Variants in TMEM9B observed in about 807,000 individuals in gnomAD.
TMEM9B encodes the protein transmembrane protein 9B.
TMEM9B carries 8 observed loss-of-function variants against 23.5 expected under a neutral mutation model. The observed-to-expected ratio is 0.34, with a 90% confidence interval of 0.20 to 0.61. The LOEUF (loss-of-function observed/expected upper bound fraction) is 0.61, where lower values mean the gene tolerates loss of function less well. Among genes scored for constraint, TMEM9B ranks in the 20% least tolerant of loss-of-function variants. The pLI is 0.78. For synonymous variants in TMEM9B, 106 were observed against 96.3 expected (o/e 1.10, Z -0.59); for missense variants, 197 against 252.3 (o/e 0.78, Z 1.49).
intron 4 of TMEM9B, among the ~76,000 whole-genome samples, chr11:8,951,696 T>C (rs969084449): frequency 1.1e-4 from 17 of 149,786 alleles, no homozygotes; most frequent in African/African-American, 3.7e-4. Context: ...AGGCGGAGCT[T>C]GCAGTGCGCT....
chr11:8,964,842 A>G (rs1854171434), upstream of TMEM9B: 1 of 156,562 alleles, frequency 6.4e-6, no homozygotes, highest in Non-Finnish European at 1.4e-5. Flanking sequence ...CGGGATGCCC[A>G]CCGCCAGTCA....
rs1285092766 is a variant in TMEM9B at position 8,948,160 on chromosome 11, C to G, written c.*160G>C. 2.1e-5 allele frequency: 18 copies of G among 850,572 alleles called. No individual in the cohort carries two copies. Among genetic ancestry groups the G allele is most frequent in the Non-Finnish European group, 3.0e-5 (17 of 569,530 alleles). 52.7% of individuals were successfully genotyped at this position (850,572 alleles called of 1,614,324 possible). A position where few individuals can be genotyped will look rare whatever the true frequency, so the allele number is the denominator to read the frequency against. ...AAAAATGTCTCTATTATTACGTTAA[C>G]AAGAAAAAAAAATCAAGCAAGTTTT... On this transcript the variant is annotated 3_prime_UTR_variant, in exon 5 of 5. Transcript: ENST00000534025.
chr11:8,954,740 C>A (rs1853942968), intron 3 of TMEM9B, among the ~76,000 whole-genome samples: 1 of 152,184 alleles, frequency 6.6e-6, no homozygotes, highest in African/African-American at 2.4e-5. Flanking sequence ...CAGCACCCTG[C>A]TGGAGCAAGA....
At position 8,948,150 on chromosome 11, in the gene TMEM9B, ATTACG is replaced by A. The variant is rs1853806027; in HGVS notation, c.*165_*169del. 1 of 726,564 alleles carries A rather than the reference ATTACG, an allele frequency of 1.4e-6. No individual in the cohort carries two copies. Among genetic ancestry groups the A allele is most frequent in the South Asian group, 2.1e-5 (1 of 48,200 alleles). The allele number at this position is 726,564 out of a possible 1,614,324, so 45.0% of individuals were successfully genotyped here. A position where few individuals can be genotyped will look rare whatever the true frequency, so the allele number is the denominator to read the frequency against. On this transcript the variant is annotated 3_prime_UTR_variant, in exon 5 of 5. Transcript: ENST00000534025. ...GTGTGCTTTTAAAAATGTCTCTATT[ATTACG>A]TTAACAAGAAAAAAAAATCAAGCAA...
intron 1 of TMEM9B, 48 bp from the exon 2 acceptor site, chr11:8,962,231 A>G (rs1186925644): frequency 7.9e-7 from 1 of 1,264,894 alleles, no homozygotes. Flanking sequence ...TTTATCATCA[A>G]TATTTTTAAA....
rs186033910 is a variant in TMEM9B at position 8,948,145 on chromosome 11, C to T, written c.*175G>A. On this transcript the variant is annotated 3_prime_UTR_variant, in exon 5 of 5. Coordinates refer to ENST00000534025, the MANE Select transcript of TMEM9B (RefSeq NM_020644.3). ...GAGCTGTGTGCTTTTAAAAATGTCTCTATTATTACGTTAACAAGAAAAAAA... is the reference window on the plus strand; with the variant it reads ...GAGCTGTGTGCTTTTAAAAATGTCTTTATTATTACGTTAACAAGAAAAAAA... 1 of 688,802 alleles carries T rather than the reference C, an allele frequency of 1.5e-6. No homozygotes were observed. Among genetic ancestry groups the T allele is most frequent in the Admixed American group, 3.3e-5 (1 of 30,104 alleles). 42.7% of individuals were successfully genotyped at this position (688,802 alleles called of 1,614,324 possible). A position where few individuals can be genotyped will look rare whatever the true frequency, so the allele number is the denominator to read the frequency against.
rs145206975 is a variant in TMEM9B, at chr11:8,964,251, C to T, written c.63G>A (p.Ala21=). 63 of 1,596,278 alleles carry T rather than the reference C, an allele frequency of 3.9e-5. No individual in the cohort carries two copies. The African/African-American group carries it at 7.8e-4, about 20-fold the overall frequency. ...LGSLLSLSCL[A]LSVLLLAQLS... is the part of the protein sequence containing the mutation. Reference sequence around the variant, plus strand: ...GCTGCGCCAGCAGCAGCACGGAAAGCGCCAGGCACGACAGGCTGAGCAAGG... The same window carrying T: ...GCTGCGCCAGCAGCAGCACGGAAAGTGCCAGGCACGACAGGCTGAGCAAGG... Residue 21 remains alanine, a synonymous_variant, in exon 1 of 5, where the codon GCG becomes GCA. Coordinates refer to ENST00000534025, the MANE Select transcript of TMEM9B (RefSeq NM_020644.3).
chr11:8,953,141 C>T, intron 4 of TMEM9B, 62 bp downstream of exon 4: 1 of 1,607,332 alleles, frequency 6.2e-7, no homozygotes, highest in Non-Finnish European at 8.5e-7. Context: ...TTTTCACTTG[C>T]ACTTCACATC....
chr11:8,951,621 G>A (rs2653594), intron 4 of TMEM9B, among the ~76,000 whole-genome samples: 89,489 of 150,984 alleles, frequency 0.59, 26,885 homozygotes, highest in East Asian at 0.77. Context: ...AGCCGGGCGC[G>A]ATGGCGGGCG....
chr11:8,964,366 C>G lies in TMEM9B; in HGVS notation c.-53G>C. The G allele has an allele frequency of 6.5e-7, 1 of 1,533,048 alleles. No individual in the cohort carries two copies. The highest frequency in any genetic ancestry group is 2.5e-5 in the East Asian group (1 of 39,990). The allele number at this position is 1,533,048 out of a possible 1,614,324, so 95.0% of individuals were successfully genotyped here. A position where few individuals can be genotyped will look rare whatever the true frequency, so the allele number is the denominator to read the frequency against. On this transcript the variant is annotated 5_prime_UTR_variant, in exon 1 of 5. Coordinates refer to ENST00000534025, the MANE Select transcript of TMEM9B (RefSeq NM_020644.3). ...CGGAGCCCCCGCGACCGGCTCCCGG[C>G]TCGGGCTCAGGCTCAGGCTCAGGCT...
upstream of TMEM9B, chr11:8,964,468 C>G (rs755896144): frequency 3.5e-6 from 5 of 1,422,752 alleles, no homozygotes; most frequent in East Asian, 2.6e-5. Flanking sequence ...ACCGGGCGCG[C>G]CGGGTCAGAT....
At chr11:8,951,551 AC>A (rs1853874646) in intron 4 of TMEM9B, among the ~76,000 whole-genome samples, 1 of 151,128 alleles carries the variant, frequency 6.6e-6, no homozygotes, top group African/African-American at 2.4e-5. Flanking sequence ...GGAGATTGAG[AC>A]CATCCTGGCT....
At chr11:8,952,874 C>A in intron 4 of TMEM9B, 1 of 515,182 alleles carries the variant, frequency 1.9e-6, no homozygotes, top group Admixed American at 3.4e-5. Context: ...GAAGGTGTTT[C>A]AGGCAGGAGA....
At chr11:8,960,949 T>C (rs760290655) in intron 2 of TMEM9B, among the ~76,000 whole-genome samples, 3 of 152,070 alleles carry the variant, frequency 2.0e-5, no homozygotes, top group Non-Finnish European at 2.9e-5. Context: ...CCTCCCAGAG[T>C]GCTGGGATTA....
intron 2 of TMEM9B, among the ~76,000 whole-genome samples, chr11:8,961,174 A>T (rs1279693643): frequency 6.6e-6 from 1 of 152,082 alleles, no homozygotes; most frequent in Non-Finnish European, 1.5e-5. Flanking sequence ...GTGGCATCAG[A>T]GAAACTAAAC....
upstream of TMEM9B, chr11:8,964,537 T>G: frequency 7.6e-7 from 1 of 1,317,748 alleles, no homozygotes; most frequent in Non-Finnish European, 9.9e-7. Flanking sequence ...GGCTGGGCAG[T>G]CCTGGTGCCC....
chr11:8,954,923 T>C (rs926931675), intron 3 of TMEM9B, among the ~76,000 whole-genome samples: 1 of 151,928 alleles, frequency 6.6e-6, no homozygotes, highest in Non-Finnish European at 1.5e-5. Context: ...GAGGCCAAGA[T>C]GGGTGGACCA....
intron 2 of TMEM9B, 133 bp downstream of exon 2, chr11:8,961,959 G>C (rs1854091089): frequency 3.3e-6 from 2 of 606,634 alleles, no homozygotes; most frequent in African/African-American, 3.8e-5. Context: ...TTTTCAAATG[G>C]AAGTAGAATT....
Position 8,953,266 on chromosome 11 carries a change from C to G in TMEM9B, c.378G>C (p.Glu126Asp). ...LLYMVYLTLV[E>D]PILKRRLFGH... ...CAAAGAGGCGCCTCTTCAGTATGGG[C>G]TCAACCAGAGTAAGATATACCATGT... The change falls in exon 4 of 5, where the codon GAG becomes GAC. Residue 126 changes from glutamate to aspartate, a missense_variant. Physicochemically the swap from Glu to Asp is conservative, Grantham distance 45. Coordinates refer to ENST00000534025, the MANE Select transcript of TMEM9B (RefSeq NM_020644.3). 6.2e-7 allele frequency: 1 copy of G among 1,614,038 alleles called. No homozygotes were observed. The highest frequency in any genetic ancestry group is 8.5e-7 in the Non-Finnish European group (1 of 1,180,016).
Sources: gnomAD v4.1 joint callset for allele counts (sites outside exome capture counted in the v4.1 genomes callset) on GRCh38, gnomAD v4.1.1 for gene constraint, MANE v1.5 for transcripts, NCBI Gene and HGNC (gene_info 2026-07-23, HGNC 2026-07-21) for gene names.